PHKA2: variants seen among roughly 807,000 people sequenced by gnomAD.
PHKA2 encodes the protein phosphorylase b kinase regulatory subunit alpha, liver isoform.
Under a neutral mutation model 102.0 loss-of-function variants are expected in PHKA2, and 31 were observed. That is an observed-to-expected ratio of 0.30 (90% CI 0.23 to 0.41). PHKA2 has a LOEUF of 0.41. Among genes scored for constraint, PHKA2 ranks in the 10% least tolerant of loss-of-function variants. PHKA2 has a pLI of 1.00. For synonymous variants in PHKA2, 455 were observed against 416.2 expected, an observed-to-expected ratio of 1.09 and a Z score of -1.13; for missense variants, 858 against 1,023.1, an observed-to-expected ratio of 0.84 and a Z score of 2.20.
chrX:18,903,320 G>C lies in PHKA2; in HGVS notation c.2909-1717C>G, dbSNP rs189253968. Among the ~76,000 whole-genome samples, 228 of 112,409 alleles carry C rather than the reference G, an allele frequency of 2.0e-3. 1 individual carries two copies. Among genetic ancestry groups the C allele is most frequent in the African/African-American group, 6.9e-3 (213 of 30,961 alleles). ...GTATTAATATTTTTCTAAAGGGTTC[G>C]TCATGACTAATGTGTAGGACCCACA... On this transcript the variant is annotated intron_variant, in intron 26 of 32. Coordinates refer to ENST00000379942, the MANE Select transcript of PHKA2 (RefSeq NM_000292.3).
rs981266474 is a variant in PHKA2 at position 18,900,753 on chromosome X, T to A, written c.3028-54A>T. On this transcript the variant is annotated intron_variant, in intron 27 of 32. Transcript: ENST00000379942. Reference sequence around the variant, plus strand: ...AAACCAGCTTTGAGCCAAGAACGCGTGCTTCTTCTATTGCCCTCTCTCTTA... The same window carrying A: ...AAACCAGCTTTGAGCCAAGAACGCGAGCTTCTTCTATTGCCCTCTCTCTTA... 22 of 1,074,656 alleles carry A rather than the reference T, an allele frequency of 2.0e-5. No individual in the cohort carries two copies. The South Asian group carries it at 3.9e-4, about 19-fold the overall frequency. The allele number at this position is 1,074,656 out of a possible 1,213,427, so 88.6% of individuals were successfully genotyped here.
chrX:18,895,323 C>A (rs765876802), intron 30 of PHKA2, 132 bp from the exon 31 acceptor site: 78 of 579,726 alleles, frequency 1.3e-4, no homozygotes, highest in Middle Eastern at 8.9e-4. Context: ...ACACGCCAGA[C>A]TGTCAGAGTT....
At chrX:18,977,361 G>GT (rs2049104090) in intron 1 of PHKA2, among the ~76,000 whole-genome samples, 1 of 112,281 alleles carries the variant, frequency 8.9e-6, no homozygotes, top group Non-Finnish European at 1.9e-5. Flanking sequence ...GCTGAAACAA[G>GT]TAAGTATTTC....
At position 18,897,157 on chromosome X, in the gene PHKA2, G is replaced by A. The variant is rs1331773863; in HGVS notation, c.3282+6C>T. The A allele has an allele frequency of 8.3e-7, 1 of 1,210,806 alleles. No individual in the cohort carries two copies. The highest frequency in any genetic ancestry group is 1.7e-5 in the African/African-American group (1 of 57,777). On this transcript the variant is annotated splice_donor_region_variant and intron_variant, in intron 30 of 32. Coordinates refer to ENST00000379942, the MANE Select transcript of PHKA2 (RefSeq NM_000292.3). Reference sequence around the variant, plus strand: ...CACTTCCCCAGGAGCTCGCGTCTCGGCTTACCTTCTGGAGGATCTTCCACA... The same window carrying A: ...CACTTCCCCAGGAGCTCGCGTCTCGACTTACCTTCTGGAGGATCTTCCACA...
chrX:18,963,784 T>G (rs960302132), intron 1 of PHKA2, among the ~76,000 whole-genome samples: 1 of 111,895 alleles, frequency 8.9e-6, no homozygotes, highest in African/African-American at 3.3e-5. Flanking sequence ...TCTAACAGTT[T>G]GCAATTCAAT....
chrX:18,945,974 C>T (rs1325871148), intron 5 of PHKA2, among the ~76,000 whole-genome samples: 1 of 109,253 alleles, frequency 9.2e-6, no homozygotes, highest in African/African-American at 3.4e-5. Context: ...CTTAGTTGCT[C>T]AGGAGTGCAG....
chrX:18,931,505 G>T, intron 12 of PHKA2, 136 bp downstream of exon 12: 1 of 561,287 alleles, frequency 1.8e-6, no homozygotes, highest in South Asian at 2.3e-5. Context: ...AGCCAACACG[G>T]TCCAGTTGAC....
At chrX:18,925,973 T>G (rs2048203726) in intron 14 of PHKA2, among the ~76,000 whole-genome samples, 196 bp from the exon 15 acceptor site, 1 of 111,698 alleles carries the variant, frequency 9.0e-6, no homozygotes, top group Non-Finnish European at 1.9e-5. Context: ...TTTTCATGAA[T>G]GTATATGAAC....
intron 1 of PHKA2, among the ~76,000 whole-genome samples, chrX:18,964,108 T>C (rs2048905627): frequency 9.0e-6 from 1 of 111,356 alleles, no homozygotes; most frequent in African/African-American, 3.3e-5. Context: ...TGTTGGCTCT[T>C]CCCCTCACAT....
In PHKA2 at chrX:18,902,133, A is replaced by G. The variant is rs1044207139; in HGVS notation, c.2909-530T>C. ...TGGGATTACAGGCGTGAGCCACTGC[A>G]ACCAGCCATGTTTTTTTATTTTTTT... On this transcript the variant is annotated intron_variant, in intron 26 of 32. Coordinates refer to ENST00000379942, the MANE Select transcript of PHKA2 (RefSeq NM_000292.3). Among the ~76,000 whole-genome samples the G allele has an allele frequency of 8.3e-5, 9 of 108,353 alleles. No homozygotes were observed. In the South Asian group the frequency reaches 3.8e-3, roughly 45 times the overall value. 94.1% of individuals were successfully genotyped at this position (108,353 alleles called of 115,157 possible).
intron 1 of PHKA2, among the ~76,000 whole-genome samples, chrX:18,980,494 T>C (rs1601812123): frequency 8.9e-6 from 1 of 112,781 alleles, no homozygotes; most frequent in African/African-American, 3.2e-5. Context: ...TCCACTGAGA[T>C]GTTTGGGTGG....
intron 1 of PHKA2, among the ~76,000 whole-genome samples, chrX:18,975,536 A>G (rs2049076857): frequency 8.9e-6 from 1 of 112,058 alleles, no homozygotes; most frequent in African/African-American, 3.2e-5. Context: ...AGACACCTTG[A>G]ACTTAACAAA....
intron 10 of PHKA2, 94 bp from the exon 11 acceptor site, chrX:18,936,244 C>T (rs767320736): frequency 1.4e-5 from 8 of 580,617 alleles, no homozygotes; most frequent in Non-Finnish European, 2.3e-5. Context: ...CTCATGGCAA[C>T]AGATTAGAGT....
At chrX:18,932,700 T>C (rs1226452369) in intron 11 of PHKA2, among the ~76,000 whole-genome samples, 1 of 111,256 alleles carries the variant, frequency 9.0e-6, no homozygotes, top group Non-Finnish European at 1.9e-5. Flanking sequence ...CTTTGGGTGG[T>C]AGAATTAGAG....
intron 29 of PHKA2, chrX:18,897,689 G>A (rs941962326): frequency 4.1e-6 from 1 of 242,687 alleles, no homozygotes. Flanking sequence ...ACACACCCGA[G>A]GCCGTCTGGC....
At chrX:18,903,119 C>T (rs1336771906) in intron 26 of PHKA2, among the ~76,000 whole-genome samples, 1 of 111,473 alleles carries the variant, frequency 9.0e-6, no homozygotes, top group Non-Finnish European at 1.9e-5. Flanking sequence ...CGTATAGATA[C>T]AGAAACATGA....
chrX:18,945,622 T>A (rs968479882), intron 5 of PHKA2, among the ~76,000 whole-genome samples: 1 of 111,977 alleles, frequency 8.9e-6, no homozygotes, highest in African/African-American at 3.2e-5. Flanking sequence ...TAGCATTACC[T>A]CTTGGGGAAA....
intron 1 of PHKA2, among the ~76,000 whole-genome samples, chrX:18,958,719 T>C (rs865876977): frequency 9.0e-6 from 1 of 110,540 alleles, no homozygotes; most frequent in East Asian, 2.9e-4. Flanking sequence ...TGTGTGTGTG[T>C]GCGTGTGTGT....
At chrX:18,893,819 CCAG>C (rs1312935900) in intron 32 of PHKA2, among the ~76,000 whole-genome samples, 164 bp from the exon 33 acceptor site, 1 of 112,470 alleles carries the variant, frequency 8.9e-6, no homozygotes, top group East Asian at 2.8e-4. Context: ...GGGCACGAAG[CCAG>C]CGCTGCCAGG....
Sources: gnomAD v4.1 joint callset for allele counts (sites outside exome capture counted in the v4.1 genomes callset) on GRCh38, gnomAD v4.1.1 for gene constraint, MANE v1.5 for transcripts, NCBI Gene and HGNC (gene_info 2026-07-23, HGNC 2026-07-21) for gene names.